Variants in PURG observed in about 807,000 individuals in gnomAD.
The protein encoded by PURG is purine-rich element-binding protein gamma.
A neutral mutation model predicts 24.3 loss-of-function variants in PURG; 3 were observed. The observed-to-expected ratio is 0.12, with a 90% CI of 0.06 to 0.32. The LOEUF (loss-of-function observed/expected upper bound fraction) is 0.32. Ranked by LOEUF, PURG falls within the 10% of genes least tolerant of loss-of-function variation. PURG has a pLI of 1.00. For synonymous variants in PURG, 180 were observed against 173.1 expected (o/e 1.04, Z -0.31); for missense variants, 371 against 439.1 (o/e 0.84, Z 1.39).
chr8:31,026,346 A>G (rs6989266), downstream of PURG, among the ~76,000 whole-genome samples: 4,486 of 151,752 alleles, frequency 0.03, 224 homozygotes, highest in African/African-American at 0.1. Flanking sequence ...GGAATACAGG[A>G]AGGCAAGATG....
At chr8:31,003,701 G>T (rs914151500) in intron 1 of PURG, among the ~76,000 whole-genome samples, 34 of 151,998 alleles carry the variant, frequency 2.2e-4, no homozygotes, top group African/African-American at 6.5e-4. Flanking sequence ...AGTGGAGGTT[G>T]CAATGACCCG....
chr8:31,009,645 G>A (rs375842318), intron 1 of PURG, among the ~76,000 whole-genome samples: 3 of 152,150 alleles, frequency 2.0e-5, no homozygotes, highest in East Asian at 1.9e-4. Context: ...GTATTATTTC[G>A]ATTTTCTGCT....
rs1052154553 is a variant in PURG, at chr8:31,031,280, T to C, written c.*459A>G. On this transcript the variant is annotated 3_prime_UTR_variant, in exon 2 of 2. Transcript: ENST00000523392. ...GTACTTTTATAAGTAAATATTTATA[T>C]ATACCGGAGGTCAATTTCTGTTTCT... 1 of 158,578 alleles carries C rather than the reference T, an allele frequency of 6.3e-6. No homozygotes were observed. The highest frequency in any genetic ancestry group is 1.4e-5 in the Non-Finnish European group (1 of 71,596). 9.8% of individuals were successfully genotyped at this position (158,578 alleles called of 1,614,324 possible).
At chr8:30,997,771 T>C (rs911198104) in intron 1 of PURG, among the ~76,000 whole-genome samples, 2 of 151,786 alleles carry the variant, frequency 1.3e-5, no homozygotes, top group African/African-American at 4.8e-5. Flanking sequence ...AAGGTTTCAC[T>C]TGAGAGGGTT....
chr8:31,031,972 T>C lies in PURG; in HGVS notation c.811A>G (p.Asn271Asp). The C allele has an allele frequency of 6.2e-7, 1 of 1,614,194 alleles. No individual in the cohort carries two copies. Among genetic ancestry groups the C allele is most frequent in the Non-Finnish European group, 8.5e-7 (1 of 1,180,034 alleles). ...CCCACATCAAAGTAGAACCTTTTAT[T>C]GTCCACTCTGAAAGAAGTCCCCTCT... ...LPEGTSFRVD[N>D]KRFYFDVGSN... The change falls in exon 2 of 2, where the codon AAT becomes GAT. Residue 271 changes from asparagine (N) to aspartate (D), a missense_variant. Physicochemically the swap from Asn to Asp is conservative, Grantham distance 23 (BLOSUM62 1). Coordinates refer to ENST00000523392, the MANE Select transcript of PURG (RefSeq NM_001323311.2).
At chr8:31,005,452 A>G (rs1206556875) in intron 1 of PURG, among the ~76,000 whole-genome samples, 2 of 151,656 alleles carry the variant, frequency 1.3e-5, no homozygotes, top group African/African-American at 4.8e-5. Flanking sequence ...AAAAAAAAGA[A>G]AAGAAAAGAA....
intron 1 of PURG, among the ~76,000 whole-genome samples, chr8:31,008,407 G>A (rs553293527): frequency 1.3e-5 from 2 of 152,244 alleles, no homozygotes; most frequent in African/African-American, 2.4e-5. Context: ...GGGTTCAAGC[G>A]ATTCTCCTGA....
chr8:30,996,029 C>T (rs1301735643), exon 2 of PURG: 1 of 151,940 alleles, frequency 6.6e-6, no homozygotes, highest in African/African-American at 2.4e-5. Flanking sequence ...AAACTTGGAA[C>T]ATAAAAACTG....
chr8:31,026,719 T>C (rs149807670), downstream of PURG, among the ~76,000 whole-genome samples: 2 of 149,828 alleles, frequency 1.3e-5, no homozygotes, highest in Admixed American at 1.3e-4. Flanking sequence ...AAGAAATTGC[T>C]AACATTGGTT....
chr8:30,996,823 C>A (rs1260073607), intron 1 of PURG: 2 of 751,204 alleles, frequency 2.7e-6, no homozygotes, highest in East Asian at 2.8e-5. Flanking sequence ...ATGTAACAAA[C>A]CCTCAATTTT....
chr8:31,002,040 T>C (rs1234802851), intron 1 of PURG, among the ~76,000 whole-genome samples: 1 of 152,214 alleles, frequency 6.6e-6, no homozygotes, highest in African/African-American at 2.4e-5. Flanking sequence ...TTAAGCTAAT[T>C]CAGGCATAAT....
At chr8:31,015,354 C>T (rs1810840471) in intron 1 of PURG, among the ~76,000 whole-genome samples, 1 of 151,926 alleles carries the variant, frequency 6.6e-6, no homozygotes, top group South Asian at 2.1e-4. Context: ...TGAAAACAAA[C>T]ACACAAACAA....
At chr8:31,007,684 C>T (rs542871605) in intron 1 of PURG, among the ~76,000 whole-genome samples, 2 of 152,056 alleles carry the variant, frequency 1.3e-5, no homozygotes, top group South Asian at 4.2e-4. Flanking sequence ...TCATATTACC[C>T]CCAAAGACAC....
At chr8:30,996,051 G>C (rs1251311291) in exon 2 of PURG, 1 of 151,776 alleles carries the variant, frequency 6.6e-6, no homozygotes. Flanking sequence ...AGTAGTACGT[G>C]GTATGGTCTA....
At chr8:31,016,291 A>G (rs1279832493) in intron 1 of PURG, among the ~76,000 whole-genome samples, 1 of 152,038 alleles carries the variant, frequency 6.6e-6, no homozygotes. Flanking sequence ...GAGGCATGAG[A>G]ATCACTTGAA....
chr8:31,002,490 T>C (rs1481850839), intron 1 of PURG, among the ~76,000 whole-genome samples: 4 of 152,200 alleles, frequency 2.6e-5, no homozygotes, highest in African/African-American at 9.6e-5. Context: ...TTACTTTATT[T>C]TTATTTTTCT....
chr8:31,006,254 T>G (rs1810648825), intron 1 of PURG, among the ~76,000 whole-genome samples: 1 of 152,196 alleles, frequency 6.6e-6, no homozygotes, highest in South Asian at 2.1e-4. Flanking sequence ...ATAATGACCT[T>G]GACAGAATTC....
At position 31,031,786 on chromosome 8, in the gene PURG, T is replaced by C; in HGVS notation, c.997A>G (p.Met333Val). 1 of 1,553,128 alleles carries C rather than the reference T, an allele frequency of 6.4e-7. No homozygotes were observed. ...TCACCACTGGCCTTTCTGCCATCCA[T>C]TCTCTTTTCTTTATGGCTGTTGCAA... ...KICNSHKEKR[M>V]DGRKASGEEQ... The change falls in exon 2 of 2, where the codon ATG becomes GTG. Residue 333 changes from methionine to valine, a missense_variant. Met to Val is a conservative substitution (Grantham distance 21). Transcript: ENST00000523392.
intron 1 of PURG, among the ~76,000 whole-genome samples, chr8:30,999,182 G>A (rs917379956): frequency 6.6e-6 from 1 of 151,748 alleles, no homozygotes; most frequent in Non-Finnish European, 1.5e-5. Context: ...GCACTTCTGT[G>A]TACTTAGTTG....
Sources: allele counts gnomAD v4.1 joint callset (sites outside exome capture counted in the v4.1 genomes callset), GRCh38; gene constraint gnomAD v4.1.1; transcripts MANE v1.5; gene names NCBI Gene and HGNC (gene_info 2026-07-23, HGNC 2026-07-21).